The following KCNJ1 variants were observed in gnomAD, a reference collection of about 807,000 sequenced individuals.
The protein encoded by KCNJ1 is ATP-sensitive inward rectifier potassium channel 1.
KCNJ1 carries 24 observed loss-of-function variants against 21.9 expected under a neutral mutation model. That is an observed-to-expected ratio of 1.10 (90% CI 0.79 to 1.54). KCNJ1 has a LOEUF of 1.54. Ranked by LOEUF, KCNJ1 falls within the 40% of genes most tolerant of loss-of-function variation. The pLI is 0.00. For missense variants in KCNJ1, 457 were observed against 455.4 expected (o/e 1.00, Z -0.03); for synonymous variants, 152 against 160.9 (o/e 0.94, Z 0.42).
chr11:128,866,976 A>G (rs896962671), intron 1 of KCNJ1, among the ~76,000 whole-genome samples, 197 bp downstream of exon 1: 1 of 152,160 alleles, frequency 6.6e-6, no homozygotes, highest in Non-Finnish European at 1.5e-5. Flanking sequence ...GGCAAGATGC[A>G]GCACACAGCT....
At chr11:128,844,373 C>G (rs558352015) in intron 2 of KCNJ1, among the ~76,000 whole-genome samples, 10 of 152,330 alleles carry the variant, frequency 6.6e-5, no homozygotes, top group African/African-American at 2.4e-4. Flanking sequence ...TACCATTTGA[C>G]AGGTTTTTTT....
rs1028064450 is a variant in KCNJ1 at position 128,839,101 on chromosome 11, T to C, written c.*24A>G. 5 of 1,607,720 alleles carry C rather than the reference T, an allele frequency of 3.1e-6. No individual in the cohort carries two copies. Among genetic ancestry groups the C allele is most frequent in the Non-Finnish European group, 4.2e-6 (5 of 1,177,044 alleles). On this transcript the variant is annotated 3_prime_UTR_variant, in exon 3 of 3. Coordinates refer to ENST00000392666, the MANE Select transcript of KCNJ1 (RefSeq NM_153766.3). ...GTACTAGGAGCTTTAGAGACTTTGC[T>C]TTACTCCCGTTGAAAAGCCACTGTT...
At chr11:128,848,053 C>A (rs1943411982) in intron 2 of KCNJ1, among the ~76,000 whole-genome samples, 1 of 151,818 alleles carries the variant, frequency 6.6e-6, no homozygotes, top group African/African-American at 2.4e-5. Context: ...CTTTGGGAGG[C>A]CGAGGTGGGT....
At chr11:128,856,698 C>T (rs904320002) in intron 1 of KCNJ1, among the ~76,000 whole-genome samples, 12 of 152,164 alleles carry the variant, frequency 7.9e-5, no homozygotes, top group Non-Finnish European at 1.8e-4. Context: ...CCGAGTCAAG[C>T]AAAACCTTGA....
intron 1 of KCNJ1, among the ~76,000 whole-genome samples, chr11:128,866,165 G>T (rs947640137): frequency 1.3e-5 from 2 of 152,144 alleles, no homozygotes; most frequent in Admixed American, 1.3e-4. Context: ...ATGACTGAAG[G>T]GAGCCCACAA....
intron 1 of KCNJ1, among the ~76,000 whole-genome samples, chr11:128,864,466 T>C (rs1943781332): frequency 6.6e-6 from 1 of 152,154 alleles, no homozygotes; most frequent in Admixed American, 6.6e-5. Context: ...TTGTTTTTGT[T>C]GTTTTCTTTT....
chr11:128,863,781 T>C (rs1318341336), intron 1 of KCNJ1, among the ~76,000 whole-genome samples: 1 of 152,206 alleles, frequency 6.6e-6, no homozygotes, highest in Admixed American at 6.5e-5. Context: ...GGATCCTCAA[T>C]AGTTTTGAAG....
At position 128,840,217 on chromosome 11, in the gene KCNJ1, G is replaced by A. The variant is rs759301135; in HGVS notation, c.27C>T (p.Val9=). 24 of 1,614,026 alleles carry A rather than the reference G, an allele frequency of 1.5e-5. No homozygotes were observed. The Admixed American group carries it at 1.8e-4, about 12-fold the overall frequency. Residue 9 remains valine, a synonymous_variant, in exon 3 of 3, where the codon GTC becomes GTT. Transcript: ENST00000392666. ...GAGAATGCCCAAAAAAGCGAGTGACGACCCATTTCCGAAGATGTTTGAACA... is the reference window on the plus strand; with the variant it reads ...GAGAATGCCCAAAAAAGCGAGTGACAACCCATTTCCGAAGATGTTTGAACA... MFKHLRKW[V]VTRFFGHSRQ... is the part of the protein sequence containing the mutation.
rs1943215442 is a variant in KCNJ1 at position 128,838,951 on chromosome 11, T to A, written c.*174A>T. On this transcript the variant is annotated 3_prime_UTR_variant, in exon 3 of 3. Coordinates refer to ENST00000392666, the MANE Select transcript of KCNJ1 (RefSeq NM_153766.3). ...ATTGCACGTTCTAATACAGTAGCCTTGTGGAGATGCATGTCTTGTGGGATC... is the reference window on the plus strand; with the variant it reads ...ATTGCACGTTCTAATACAGTAGCCTAGTGGAGATGCATGTCTTGTGGGATC... 2 of 635,574 alleles carry A rather than the reference T, an allele frequency of 3.1e-6. No homozygotes were observed. Among genetic ancestry groups the A allele is most frequent in the East Asian group, 5.4e-5 (2 of 36,802 alleles). 39.4% of individuals were successfully genotyped at this position (635,574 alleles called of 1,614,324 possible).
intron 1 of KCNJ1, among the ~76,000 whole-genome samples, chr11:128,852,986 A>C (rs574674686): frequency 2.6e-5 from 4 of 152,268 alleles, no homozygotes; most frequent in African/African-American, 9.6e-5. Flanking sequence ...GTTTCTTTTC[A>C]CTCAGTGGTG....
chr11:128,838,985 G>T lies in KCNJ1; in HGVS notation c.*140C>A, dbSNP rs971997115. 10 of 713,240 alleles carry T rather than the reference G, an allele frequency of 1.4e-5. No individual in the cohort carries two copies. In the South Asian group the frequency reaches 1.5e-4, roughly 11 times the overall value. 44.2% of individuals were successfully genotyped at this position (713,240 alleles called of 1,614,324 possible). On this transcript the variant is annotated 3_prime_UTR_variant, in exon 3 of 3. Transcript: ENST00000392666. Reference sequence around the variant, plus strand: ...GCATGTCTTGTGGGATCACAATTGCGGGGCTCAGGGGTCTTTGTGCTGGTA... The same window carrying T: ...GCATGTCTTGTGGGATCACAATTGCTGGGCTCAGGGGTCTTTGTGCTGGTA...
Position 128,839,950 on chromosome 11 carries a change from A to C in KCNJ1, c.294T>G (p.Asn98Lys). 6.2e-7 allele frequency: 1 copy of C among 1,614,172 alleles called. No individual in the cohort carries two copies. The highest frequency in any genetic ancestry group is 8.5e-7 in the Non-Finnish European group (1 of 1,179,990). The change falls in exon 3 of 3, where the codon AAT becomes AAG. Residue 98 changes from asparagine (N) to lysine (K), a missense_variant. Coordinates refer to ENST00000392666, the MANE Select transcript of KCNJ1 (RefSeq NM_153766.3). ...KDLPEFHPSA[N>K]HTPCVENING... ...TAATATTCTCCACACAGGGAGTGTG[A>C]TTGGCAGAAGGATGGAATTCCGGGA...
intron 1 of KCNJ1, among the ~76,000 whole-genome samples, chr11:128,856,238 T>C (rs1397360697): frequency 7.7e-6 from 1 of 129,944 alleles, no homozygotes; most frequent in South Asian, 2.4e-4. Context: ...AGATTGCCCA[T>C]GGAATGATGA....
intron 1 of KCNJ1, among the ~76,000 whole-genome samples, chr11:128,853,554 T>C (rs531192731): frequency 4.7e-4 from 71 of 152,308 alleles, no homozygotes; most frequent in African/African-American, 1.5e-3. Context: ...TTGGGGGTGA[T>C]GAAAATGTTC....
chr11:128,863,467 T>C (rs1446453877), intron 1 of KCNJ1, among the ~76,000 whole-genome samples: 8 of 152,210 alleles, frequency 5.3e-5, no homozygotes, highest in Admixed American at 5.2e-4. Context: ...CATGCAGAGA[T>C]GGACTCTGTT....
chr11:128,845,928 T>C (rs1943372500), intron 2 of KCNJ1, among the ~76,000 whole-genome samples: 1 of 152,116 alleles, frequency 6.6e-6, no homozygotes, highest in East Asian at 1.9e-4. Context: ...AGAAGAGAGC[T>C]TGGGGAAAAA....
intron 1 of KCNJ1, among the ~76,000 whole-genome samples, chr11:128,858,245 A>G (rs997930118): frequency 6.6e-6 from 1 of 151,926 alleles, no homozygotes; most frequent in Non-Finnish European, 1.5e-5. Context: ...GCTAAGAATG[A>G]AGAGACAAGG....
At chr11:128,861,233 C>T (rs571359488) in intron 1 of KCNJ1, among the ~76,000 whole-genome samples, 15 of 152,366 alleles carry the variant, frequency 9.8e-5, no homozygotes, top group Admixed American at 3.9e-4. Flanking sequence ...GTGCCGCCAG[C>T]TTCCGCCCGA....
At chr11:128,856,150 C>T (rs1943585574) in intron 1 of KCNJ1, among the ~76,000 whole-genome samples, 1 of 152,082 alleles carries the variant, frequency 6.6e-6, no homozygotes, top group Non-Finnish European at 1.5e-5. Flanking sequence ...TACATGAGGC[C>T]CAGAGGGAGA....
Sources: allele counts gnomAD v4.1 joint callset (sites outside exome capture counted in the v4.1 genomes callset), GRCh38; gene constraint gnomAD v4.1.1; transcripts MANE v1.5; gene names NCBI Gene and HGNC (gene_info 2026-07-23, HGNC 2026-07-21).